CAMK2B: variants seen among roughly 807,000 people sequenced by gnomAD.
CAMK2B encodes the protein calcium/calmodulin dependent protein kinase II beta, also known as calcium/calmodulin-dependent protein kinase type II subunit beta.
Under a neutral mutation model 93.7 loss-of-function variants are expected in CAMK2B, and 27 were observed. The observed-to-expected ratio is 0.29, with a 90% confidence interval of 0.21 to 0.40. The LOEUF is 0.40. CAMK2B is among the 10% of genes least tolerant of loss of function. The probability of loss-of-function intolerance (pLI) is 1.00; values close to 1 mark genes in which losing one functional copy is unlikely to be tolerated. For missense variants in CAMK2B, 568 were observed against 895.8 expected, an observed-to-expected ratio of 0.63 and a Z score of 4.67; for synonymous variants, 374 against 358.8, an observed-to-expected ratio of 1.04 and a Z score of -0.48.
In CAMK2B at chr7:44,248,699, C is replaced by T. The variant is rs1369674068; in HGVS notation, c.342-1507G>A. Reference sequence around the variant, plus strand: ...TTCAGAGAAGACACGAGAGGTCAGCCTTCTTCCTCAAATAGCTCCCACCCG... The same window carrying T: ...TTCAGAGAAGACACGAGAGGTCAGCTTTCTTCCTCAAATAGCTCCCACCCG... On this transcript the variant is annotated intron_variant, in intron 5 of 23. Coordinates refer to ENST00000395749, the MANE Select transcript of CAMK2B (RefSeq NM_001220.5). The surrounding 1 kb of genome is among the most constrained non-coding windows in gnomAD (Gnocchi z 4.1). Among the ~76,000 whole-genome samples, 1 of 152,226 alleles carries T rather than the reference C, an allele frequency of 6.6e-6. No individual in the cohort carries two copies. The highest frequency in any genetic ancestry group is 1.5e-5 in the Non-Finnish European group (1 of 68,040).
chr7:44,279,978 C>T (rs1180645580), intron 2 of CAMK2B, among the ~76,000 whole-genome samples: 1 of 152,184 alleles, frequency 6.6e-6, no homozygotes, highest in Non-Finnish European at 1.5e-5. Flanking sequence ...CTGCCTCTCC[C>T]AGGCCCCACC....
At position 44,262,603 on chromosome 7, in the gene CAMK2B, G is replaced by A. The variant is rs565554254; in HGVS notation, c.220+402C>T. On this transcript the variant is annotated intron_variant, in intron 3 of 23. Transcript: ENST00000395749. ...CCCTGTGTGTTCTCAGCAGAATGGC[G>A]GCTCAGAGTTATGGGGGTCACATGC... Among the ~76,000 whole-genome samples, 20 of 152,306 alleles carry A rather than the reference G, an allele frequency of 1.3e-4. 1 individual carries two copies. The highest frequency in any genetic ancestry group is 2.0e-4 in the Admixed American group (3 of 15,302).
At chr7:44,234,346 G>C in intron 15 of CAMK2B, 44 bp downstream of exon 15, 1 of 1,456,950 alleles carries the variant, frequency 6.9e-7, no homozygotes, top group Non-Finnish European at 9.1e-7. Context: ...ACACAGCCAG[G>C]GGCGTAGGAG....
chr7:44,313,673 G>A (rs1794136341), intron 1 of CAMK2B, among the ~76,000 whole-genome samples: 1 of 149,530 alleles, frequency 6.7e-6, no homozygotes, highest in African/African-American at 2.5e-5. Context: ...GTCACCCAAT[G>A]TGTCATGTGT....
intron 2 of CAMK2B, chr7:44,264,122 G>A (rs911118214): frequency 1.3e-5 from 2 of 153,102 alleles, no homozygotes; most frequent in Admixed American, 6.5e-5. Flanking sequence ...AAGGTGAGCA[G>A]GGCCTGGGGG....
At chr7:44,237,356 CA>C (rs2096635763) in intron 13 of CAMK2B, among the ~76,000 whole-genome samples, 1 of 152,240 alleles carries the variant, frequency 6.6e-6, no homozygotes, top group Admixed American at 6.5e-5. Flanking sequence ...GACAGAAGTT[CA>C]CAGTCCAGTG....
intron 2 of CAMK2B, among the ~76,000 whole-genome samples, chr7:44,263,648 G>T (rs2096899862): frequency 6.6e-6 from 1 of 152,140 alleles, no homozygotes; most frequent in African/African-American, 2.4e-5. Flanking sequence ...CGGAGGCGTG[G>T]AGGTGACTGG....
intron 1 of CAMK2B, among the ~76,000 whole-genome samples, chr7:44,319,645 T>C (rs1795596876): frequency 6.6e-6 from 1 of 152,180 alleles, no homozygotes; most frequent in Admixed American, 6.5e-5. Context: ...AGAACACAGC[T>C]TTCCTTCACA....
chr7:44,293,119 G>A (rs972761762), intron 1 of CAMK2B, among the ~76,000 whole-genome samples: 2 of 152,118 alleles, frequency 1.3e-5, no homozygotes, highest in Non-Finnish European at 2.9e-5. Flanking sequence ...CAGGGGCAGC[G>A]CCCTTCCCAC....
chr7:44,319,309 C>G (rs976936764), intron 1 of CAMK2B, among the ~76,000 whole-genome samples: 6 of 152,186 alleles, frequency 3.9e-5, no homozygotes, highest in Non-Finnish European at 7.3e-5. Flanking sequence ...ACAGACATTG[C>G]ACACTTATCT....
chr7:44,295,594 A>C (rs2129156353), intron 1 of CAMK2B, among the ~76,000 whole-genome samples: 1 of 152,326 alleles, frequency 6.6e-6, no homozygotes, highest in Middle Eastern at 3.4e-3. Flanking sequence ...AGCAGCGTGC[A>C]CCCACACTTT....
At chr7:44,306,770 T>G (rs1169005574) in intron 1 of CAMK2B, among the ~76,000 whole-genome samples, 8 of 90,364 alleles carry the variant, frequency 8.9e-5, no homozygotes, top group Non-Finnish European at 1.1e-4. Context: ...GGGAGGAGGA[T>G]GCGAGCAGGG....
intron 1 of CAMK2B, among the ~76,000 whole-genome samples, chr7:44,297,935 C>G (rs1399827903): frequency 2.0e-5 from 3 of 152,172 alleles, no homozygotes; most frequent in Non-Finnish European, 4.4e-5. Context: ...ACCAGCCTGG[C>G]CAACATGGCC....
At chr7:44,230,917 G>C (rs569455835) in intron 17 of CAMK2B, 89 bp downstream of exon 17, 1 of 1,114,614 alleles carries the variant, frequency 9.0e-7, no homozygotes, top group Non-Finnish European at 1.3e-6. Flanking sequence ...CGTCGCAGGA[G>C]AGTTGACCCT....
intron 2 of CAMK2B, among the ~76,000 whole-genome samples, chr7:44,281,076 C>T (rs1033256339): frequency 5.3e-5 from 8 of 152,232 alleles, no homozygotes; most frequent in African/African-American, 1.9e-4. Flanking sequence ...AGCCACAGAA[C>T]GTCAGGGAAC....
chr7:44,288,042 C>T, intron 1 of CAMK2B, among the ~76,000 whole-genome samples: 1 of 152,232 alleles, frequency 6.6e-6, no homozygotes, highest in East Asian at 1.9e-4. Context: ...GGCCTCAGGG[C>T]TTGTCCAGCC....
intron 2 of CAMK2B, among the ~76,000 whole-genome samples, chr7:44,269,368 T>C (rs1431267506): frequency 6.6e-6 from 1 of 151,964 alleles, no homozygotes; most frequent in Non-Finnish European, 1.5e-5. Flanking sequence ...ACAGGACAAG[T>C]TAAGGTTACA....
At chr7:44,255,123 A>G (rs142040561) in intron 4 of CAMK2B, among the ~76,000 whole-genome samples, 21 of 152,160 alleles carry the variant, frequency 1.4e-4, no homozygotes, top group Non-Finnish European at 1.9e-4. Context: ...ATCAGAGCCT[A>G]AAGACACGGT....
At chr7:44,280,274 C>T (rs1046208898) in intron 2 of CAMK2B, among the ~76,000 whole-genome samples, 1 of 152,204 alleles carries the variant, frequency 6.6e-6, no homozygotes, top group East Asian at 1.9e-4. Flanking sequence ...CTGCATGGGC[C>T]CACAGGTGTG....
Sources: gnomAD v4.1 joint callset for allele counts (sites outside exome capture counted in the v4.1 genomes callset) on GRCh38, gnomAD v4.1.1 for gene constraint, Gnocchi (gnomAD v3.1) non-coding constraint, MANE v1.5 for transcripts, NCBI Gene and HGNC (gene_info 2026-07-23, HGNC 2026-07-21) for gene names.